ROBO1: variants seen among roughly 807,000 people sequenced by gnomAD.
ROBO1 encodes roundabout homolog 1.
In ROBO1, 149 loss-of-function variants were observed where a neutral mutation model predicts 195.9. The observed-to-expected ratio is 0.76, with a 90% CI of 0.67 to 0.87. ROBO1 has a LOEUF of 0.87. ROBO1 is among the 40% of genes least tolerant of loss of function. ROBO1 has a pLI of 0.00. For missense variants in ROBO1, 1,933 were observed against 2,068.3 expected, an observed-to-expected ratio of 0.93 and a Z score of 1.27; for synonymous variants, 816 against 733.2, an observed-to-expected ratio of 1.11 and a Z score of -1.82.
chr3:78,912,509 A>G (rs765974710), intron 4 of ROBO1, among the ~76,000 whole-genome samples: 10 of 152,276 alleles, frequency 6.6e-5, no homozygotes, highest in Non-Finnish European at 1.3e-4. Context: ...GCTGCCTACC[A>G]TTAAATATTC....
intron 4 of ROBO1, among the ~76,000 whole-genome samples, chr3:78,935,929 A>T (rs529005021): frequency 8.5e-5 from 13 of 152,060 alleles, no homozygotes; most frequent in Admixed American, 3.9e-4. Context: ...ATTGTGTGAG[A>T]TAACTTTAAC....
chr3:79,483,803 T>A (rs569877289), intron 2 of ROBO1, among the ~76,000 whole-genome samples: 31 of 152,068 alleles, frequency 2.0e-4, no homozygotes, highest in African/African-American at 6.8e-4. Context: ...CAGACAATCA[T>A]GGATCTGGGA....
At position 78,635,665 on chromosome 3, in the gene ROBO1, G is replaced by A. The variant is rs1394065335; in HGVS notation, c.3373+108C>T. ...ACCAAAGAAATAAGAAAATCTCAGC[G>A]ACAGAAGAAAAGATTTTACTTGCTA... On this transcript the variant is annotated intron_variant, in intron 23 of 30. Transcript: ENST00000464233. The A allele has an allele frequency of 1.3e-5, 13 of 966,540 alleles. No individual in the cohort carries two copies. The East Asian group carries it at 1.5e-4, about 11-fold the overall frequency. 59.9% of individuals were successfully genotyped at this position (966,540 alleles called of 1,614,324 possible).
intron 2 of ROBO1, among the ~76,000 whole-genome samples, chr3:79,398,167 T>C (rs949886015): frequency 6.6e-6 from 1 of 152,162 alleles, no homozygotes; most frequent in African/African-American, 2.4e-5. Context: ...TGATTCTTAT[T>C]CTGGTTTGGT....
chr3:78,945,887 G>A (rs2040409976), intron 3 of ROBO1, among the ~76,000 whole-genome samples: 1 of 151,796 alleles, frequency 6.6e-6, no homozygotes, highest in Admixed American at 6.6e-5. Context: ...AGCCTCCGTA[G>A]ACAATGCAAT....
intron 2 of ROBO1, among the ~76,000 whole-genome samples, chr3:79,524,463 T>C (rs965209162): frequency 6.6e-6 from 1 of 151,978 alleles, no homozygotes; most frequent in Non-Finnish European, 1.5e-5. Context: ...AATTGAAAAA[T>C]CTGAATTTTT....
chr3:79,451,427 C>T (rs1006435848), intron 2 of ROBO1, among the ~76,000 whole-genome samples: 1 of 152,050 alleles, frequency 6.6e-6, no homozygotes, highest in Non-Finnish European at 1.5e-5. Context: ...GCCTTACCCC[C>T]TGTAGGTGAA....
chr3:79,744,705 C>G (rs1249839054), intron 1 of ROBO1, among the ~76,000 whole-genome samples: 1 of 152,066 alleles, frequency 6.6e-6, no homozygotes, highest in Non-Finnish European at 1.5e-5. Flanking sequence ...GCCAAGGTGA[C>G]TAAGATACCT....
At chr3:78,813,132 A>G (rs867704106) in intron 4 of ROBO1, among the ~76,000 whole-genome samples, 1 of 152,108 alleles carries the variant, frequency 6.6e-6, no homozygotes, top group African/African-American at 2.4e-5. Context: ...GTCAATTGCC[A>G]TATGATCTAA....
At chr3:79,357,238 C>T (rs1391492751) in intron 2 of ROBO1, among the ~76,000 whole-genome samples, 2 of 152,180 alleles carry the variant, frequency 1.3e-5, no homozygotes, top group Non-Finnish European at 1.5e-5. Flanking sequence ...GGGCACATGC[C>T]TGAATGAAGT....
intron 1 of ROBO1, among the ~76,000 whole-genome samples, chr3:79,616,225 C>A (rs541365922): frequency 1.3e-5 from 2 of 152,280 alleles, no homozygotes; most frequent in Admixed American, 6.5e-5. Context: ...ATCCTGGCAT[C>A]ATACTGGTTG....
At chr3:79,546,717 T>C (rs368691368) in intron 2 of ROBO1, among the ~76,000 whole-genome samples, 2 of 152,308 alleles carry the variant, frequency 1.3e-5, no homozygotes, top group East Asian at 3.9e-4. Flanking sequence ...AACTGGTTAT[T>C]TAACAATGGC....
chr3:79,096,267 T>G (rs1447741573), intron 3 of ROBO1, among the ~76,000 whole-genome samples: 4 of 152,000 alleles, frequency 2.6e-5, no homozygotes. Flanking sequence ...CATCTGCTTC[T>G]GATTTATGTA....
intron 2 of ROBO1, among the ~76,000 whole-genome samples, chr3:79,363,028 A>T (rs551912217): frequency 1.3e-5 from 2 of 152,336 alleles, no homozygotes; most frequent in South Asian, 4.1e-4. Context: ...TTTTTAAGTG[A>T]TGTAATTTTC....
intron 2 of ROBO1, among the ~76,000 whole-genome samples, chr3:79,154,952 T>A (rs2080833162): frequency 6.6e-6 from 1 of 151,826 alleles, no homozygotes; most frequent in Non-Finnish European, 1.5e-5. Context: ...TTTTATTTGT[T>A]CCCTATTTTC....
chr3:78,658,852 A>C lies in ROBO1; in HGVS notation c.2442+834T>G, dbSNP rs1033776487. Among the ~76,000 whole-genome samples the C allele has an allele frequency of 2.6e-5, 4 of 152,324 alleles. 1 individual carries two copies. The South Asian group carries it at 8.3e-4, about 32-fold the overall frequency. On this transcript the variant is annotated intron_variant, in intron 17 of 30. Coordinates refer to ENST00000464233, the MANE Select transcript of ROBO1 (RefSeq NM_002941.4). ...TGATTTTTTTAAAAATCCCATTTAC[A>C]TTATACAGCTGAACCAAAGCCACAA... is the stretch of plus-strand genomic sequence containing the variant.
At chr3:78,789,883 A>G (rs1453311649) in intron 4 of ROBO1, among the ~76,000 whole-genome samples, 1 of 152,232 alleles carries the variant, frequency 6.6e-6, no homozygotes, top group Non-Finnish European at 1.5e-5. Flanking sequence ...TTGTTGAATC[A>G]GAATTTGGAT....
At chr3:79,373,963 C>A in intron 2 of ROBO1, among the ~76,000 whole-genome samples, 1 of 152,022 alleles carries the variant, frequency 6.6e-6, no homozygotes, top group Admixed American at 6.6e-5. Flanking sequence ...GGCTTTTTAT[C>A]TTGTATTGAC....
chr3:79,590,445 T>C (rs1010308425), intron 1 of ROBO1, among the ~76,000 whole-genome samples: 1 of 151,852 alleles, frequency 6.6e-6, no homozygotes, highest in African/African-American at 2.4e-5. Flanking sequence ...ACTTTAATTA[T>C]GTGAATTCAC....
Sources: allele counts gnomAD v4.1 joint callset (sites outside exome capture counted in the v4.1 genomes callset), GRCh38; gene constraint gnomAD v4.1.1; transcripts MANE v1.5; gene names NCBI Gene and HGNC (gene_info 2026-07-23, HGNC 2026-07-21).